The following CAMTA1 variants were observed in gnomAD, a reference collection of about 807,000 sequenced individuals.
The protein encoded by CAMTA1 is calmodulin-binding transcription activator 1.
In CAMTA1, 27 loss-of-function variants were observed where a neutral mutation model predicts 170.9. That is an observed-to-expected ratio of 0.16 (90% CI 0.12 to 0.22). CAMTA1 has a LOEUF of 0.22. CAMTA1 is among the 10% of genes least tolerant of loss of function. The pLI is 1.00. For synonymous variants in CAMTA1, 833 were observed against 891.5 expected, an observed-to-expected ratio of 0.93 and a Z score of 1.17; for missense variants, 1,619 against 2,217.2, an observed-to-expected ratio of 0.73 and a Z score of 5.42.
intron 4 of CAMTA1, among the ~76,000 whole-genome samples, chr1:7,177,153 C>G (rs953633876): frequency 3.4e-5 from 5 of 149,042 alleles, no homozygotes; most frequent in Non-Finnish European, 6.0e-5. Context: ...GAGGCTCTTC[C>G]CACATACTGA....
chr1:7,577,316 T>C lies in CAMTA1; in HGVS notation c.511-63084T>C, dbSNP rs191645638. ...ACTGAAAAGGGCCCCCCCTTGTGCT[T>C]ATTTTTTGCAGATTAACAAACTTTA... On this transcript the variant is annotated intron_variant, in intron 6 of 22. Transcript: ENST00000303635. 3.4e-4 allele frequency among the ~76,000 whole-genome samples: 52 copies of C among 152,180 alleles called. 1 individual carries two copies. In the South Asian group the frequency reaches 8.1e-3, roughly 24 times the overall value.
intron 1 of CAMTA1, among the ~76,000 whole-genome samples, chr1:6,812,312 T>C (rs963849130): frequency 1.3e-5 from 2 of 152,238 alleles, no homozygotes; most frequent in Non-Finnish European, 2.9e-5. Context: ...GTTACCCATG[T>C]CTTGGTGTCT....
At position 7,224,636 on chromosome 1, in the gene CAMTA1, G is replaced by A. The variant is rs1661374510; in HGVS notation, c.303-24855G>A. ...CGTCCCTGCTCAAGCGGGGTCCCAG[G>A]TTGGAGGCGTGACACCCGCGCCTCT... On this transcript the variant is annotated intron_variant, in intron 4 of 22. Coordinates refer to ENST00000303635, the MANE Select transcript of CAMTA1 (RefSeq NM_015215.4). This position sits in a 1 kb window ranked among gnomAD's most constrained non-coding sequence, Gnocchi z 5.2. Among the ~76,000 whole-genome samples the A allele has an allele frequency of 6.6e-6, 1 of 152,204 alleles. No homozygotes were observed. Among genetic ancestry groups the A allele is most frequent in the South Asian group, 2.1e-4 (1 of 4,830 alleles).
At chr1:6,803,830 T>TA (rs1644180422) in intron 1 of CAMTA1, among the ~76,000 whole-genome samples, 1 of 152,306 alleles carries the variant, frequency 6.6e-6, no homozygotes, top group South Asian at 2.1e-4. Flanking sequence ...TCCTCCTGCC[T>TA]CAGACTCCCA....
intron 6 of CAMTA1, among the ~76,000 whole-genome samples, chr1:7,499,992 A>AGT (rs1185652510): frequency 2.2e-5 from 3 of 136,190 alleles, no homozygotes; most frequent in Non-Finnish European, 4.6e-5. Flanking sequence ...TAGGTATATG[A>AGT]GTGTGTGTGT....
At chr1:6,993,181 T>C (rs866502767) in intron 3 of CAMTA1, among the ~76,000 whole-genome samples, 1 of 152,240 alleles carries the variant, frequency 6.6e-6, no homozygotes, top group African/African-American at 2.4e-5. Flanking sequence ...TTCAAAATGA[T>C]TTGACTATCT....
chr1:6,966,261 C>T (rs570300014), intron 3 of CAMTA1, among the ~76,000 whole-genome samples: 12 of 152,272 alleles, frequency 7.9e-5, no homozygotes, highest in Admixed American at 3.3e-4. Flanking sequence ...TTCACAAAAA[C>T]GTGCAACCAT....
At chr1:6,832,619 C>T (rs932866889) in intron 3 of CAMTA1, among the ~76,000 whole-genome samples, 2 of 152,036 alleles carry the variant, frequency 1.3e-5, no homozygotes, top group African/African-American at 4.8e-5. Flanking sequence ...CTGAAAAGCA[C>T]CAGTACTCTA....
rs397722225 is a variant in CAMTA1 at position 7,355,307 on chromosome 1, C to CT, written c.438+105681_438+105682insT. On this transcript the variant is annotated intron_variant, in intron 5 of 22. Transcript: ENST00000303635. Reference sequence around the variant, plus strand: ...GCTGAGGTGGGAAGATGGCTTGGCCCGGAGGGGGTCAAGGCTGCAGTGAGT... The same window carrying CT: ...GCTGAGGTGGGAAGATGGCTTGGCCCTGGAGGGGGTCAAGGCTGCAGTGAGT... Among the ~76,000 whole-genome samples, 7 of 151,056 alleles carry CT rather than the reference C, an allele frequency of 4.6e-5. No individual in the cohort carries two copies. In the South Asian group the frequency reaches 6.3e-4, roughly 14 times the overall value.
chr1:7,362,382 G>T (rs1229132266), intron 5 of CAMTA1, among the ~76,000 whole-genome samples: 1 of 152,178 alleles, frequency 6.6e-6, no homozygotes, highest in Non-Finnish European at 1.5e-5. Context: ...TAGAGTTGGT[G>T]GACTTGGGTA....
At chr1:7,080,830 A>G (rs1572898844) in intron 3 of CAMTA1, among the ~76,000 whole-genome samples, 2 of 152,250 alleles carry the variant, frequency 1.3e-5, no homozygotes, top group South Asian at 4.1e-4. Context: ...TTTAATATAT[A>G]AAGACTTTCT....
intron 5 of CAMTA1, among the ~76,000 whole-genome samples, chr1:7,407,903 C>T (rs866976441): frequency 6.6e-6 from 1 of 152,254 alleles, no homozygotes; most frequent in South Asian, 2.1e-4. Context: ...CCTTGGCCTA[C>T]CCTGCATTCA....
At chr1:6,907,329 A>G (rs947144282) in intron 3 of CAMTA1, among the ~76,000 whole-genome samples, 1 of 152,122 alleles carries the variant, frequency 6.6e-6, no homozygotes, top group African/African-American at 2.4e-5. Flanking sequence ...GAGACATGGC[A>G]AACGAACTTG....
At chr1:7,486,992 G>A (rs1427966504) in intron 6 of CAMTA1, among the ~76,000 whole-genome samples, 1 of 150,986 alleles carries the variant, frequency 6.6e-6, no homozygotes, top group Admixed American at 6.6e-5. Flanking sequence ...CAACAGAAAT[G>A]AGAATAGCAC....
At chr1:7,060,188 C>T (rs990847337) in intron 3 of CAMTA1, among the ~76,000 whole-genome samples, 10 of 152,190 alleles carry the variant, frequency 6.6e-5, no homozygotes, top group African/African-American at 1.4e-4. Flanking sequence ...ACAAACAGGA[C>T]GTAAACAGCA....
intron 3 of CAMTA1, among the ~76,000 whole-genome samples, chr1:6,837,385 C>A (rs1480962678): frequency 6.6e-6 from 1 of 151,998 alleles, no homozygotes; most frequent in Non-Finnish European, 1.5e-5. Context: ...GGGGAGGCTC[C>A]CCCTGGGAAG....
intron 4 of CAMTA1, among the ~76,000 whole-genome samples, chr1:7,242,910 C>T (rs949381742): frequency 5.3e-5 from 8 of 151,880 alleles, no homozygotes; most frequent in East Asian, 3.9e-4. Context: ...TGCAGTGAGC[C>T]GAGATCGCAC....
intron 3 of CAMTA1, among the ~76,000 whole-genome samples, chr1:6,872,231 C>T (rs900574892): frequency 5.0e-5 from 7 of 141,156 alleles, no homozygotes; most frequent in Non-Finnish European, 1.1e-4. Flanking sequence ...ACACCCTCAC[C>T]ATCACCACCA....
rs532976990 is a variant in CAMTA1, at chr1:7,638,802, G to A, written c.511-1598G>A. On this transcript the variant is annotated intron_variant, in intron 6 of 22. Transcript: ENST00000303635. Reference sequence around the variant, plus strand: ...GGCCAGATAAGCAGCGCTGCCTTCTGGGGGGACCATGAGAAAGCCACCGAA... The same window carrying A: ...GGCCAGATAAGCAGCGCTGCCTTCTAGGGGGACCATGAGAAAGCCACCGAA... Among the ~76,000 whole-genome samples, 7 of 152,242 alleles carry A rather than the reference G, an allele frequency of 4.6e-5. No individual in the cohort carries two copies. In the East Asian group the frequency reaches 1.4e-3, roughly 29 times the overall value.
Sources: gnomAD v4.1 joint callset for allele counts (sites outside exome capture counted in the v4.1 genomes callset) on GRCh38, gnomAD v4.1.1 for gene constraint, Gnocchi (gnomAD v3.1) non-coding constraint, MANE v1.5 for transcripts, NCBI Gene and HGNC (gene_info 2026-07-23, HGNC 2026-07-21) for gene names.